The following CHRNA9 variants were observed in gnomAD, a reference collection of about 807,000 sequenced individuals.
CHRNA9 encodes cholinergic receptor nicotinic alpha 9 subunit, also known as neuronal acetylcholine receptor subunit alpha-9.
CHRNA9 carries 24 observed loss-of-function variants against 36.8 expected under a neutral mutation model. That is an observed-to-expected ratio of 0.65 (90% CI 0.47 to 0.92). CHRNA9 has a LOEUF of 0.92. Ranked by LOEUF, CHRNA9 falls within the 40% of genes least tolerant of loss-of-function variation. The pLI is 0.00. For synonymous variants in CHRNA9, 231 were observed against 231.8 expected (o/e 1.00, Z 0.03); for missense variants, 610 against 601.2 (o/e 1.01, Z -0.15).
rs57024876 is a variant in CHRNA9, at chr4:40,354,223, C to T, written c.1143C>T (p.Asn381=). Residue 381 remains asparagine, a synonymous_variant, in exon 5 of 5, where the codon AAC becomes AAT. Transcript: ENST00000310169. ...TKVYSKLPES[N]LKAARNKDLS... is the part of the protein sequence containing the mutation. ...TTTATAGCAAACTCCCAGAGTCTAA[C>T]CTGAAAGCAGCCAGGAACAAAGACC... 1.2e-6 allele frequency: 2 copies of T among 1,614,202 alleles called. No homozygotes were observed. Among genetic ancestry groups the T allele is most frequent in the Non-Finnish European group, 1.7e-6 (2 of 1,180,040 alleles).
At chr4:40,353,945 G>T in intron 4 of CHRNA9, 34 bp from the exon 5 acceptor site, 1 of 1,549,672 alleles carries the variant, frequency 6.5e-7, no homozygotes. Flanking sequence ...CCATTTTAAA[G>T]CAAATTCAGT....
chr4:40,340,450 A>G (rs1459550491), intron 3 of CHRNA9, among the ~76,000 whole-genome samples: 1 of 152,176 alleles, frequency 6.6e-6, no homozygotes, highest in Non-Finnish European at 1.5e-5. Context: ...AATTGAAATG[A>G]AAATGGAAGA....
intron 3 of CHRNA9, among the ~76,000 whole-genome samples, chr4:40,340,562 G>A (rs1334090561): frequency 6.6e-6 from 1 of 152,208 alleles, no homozygotes; most frequent in African/African-American, 2.4e-5. Context: ...TCTGATGCCA[G>A]ATACAATATC....
chr4:40,341,699 C>T (rs1172558501), intron 3 of CHRNA9, among the ~76,000 whole-genome samples: 1 of 152,282 alleles, frequency 6.6e-6, no homozygotes, highest in Non-Finnish European at 1.5e-5. Context: ...AGTGTGGTTT[C>T]GTTTCAATAA....
chr4:40,337,826 C>T (rs1233597238), intron 3 of CHRNA9, among the ~76,000 whole-genome samples: 2 of 152,122 alleles, frequency 1.3e-5, no homozygotes, highest in East Asian at 1.9e-4. Context: ...ATTATAGAAG[C>T]GTCACTCTGA....
At chr4:40,335,559 C>T in intron 1 of CHRNA9, 28 bp downstream of exon 1, 1 of 1,547,048 alleles carries the variant, frequency 6.5e-7, no homozygotes, top group Non-Finnish European at 8.9e-7. Context: ...CGTAACCTAT[C>T]TTGTCTCATC....
intron 2 of CHRNA9, among the ~76,000 whole-genome samples, chr4:40,336,903 A>G (rs1712339143): frequency 6.6e-6 from 1 of 152,138 alleles, no homozygotes. Flanking sequence ...TTATTTCCTG[A>G]CTTTTGCTTT....
intron 3 of CHRNA9, among the ~76,000 whole-genome samples, chr4:40,344,107 C>T (rs1174823361): frequency 6.6e-6 from 1 of 152,180 alleles, no homozygotes; most frequent in African/African-American, 2.4e-5. Flanking sequence ...ATGCAGGTGG[C>T]TTCTAGAAGG....
In CHRNA9 at chr4:40,335,894, T is replaced by C. The variant is rs1712305320; in HGVS notation, c.132T>C (p.Asn44=). ...LFNDLFEDYS[N]ALRPVEDTDK... is the part of the protein sequence containing the mutation. Reference sequence around the variant, plus strand: ...ATGACCTTTTTGAAGATTATTCTAATGCTCTTCGTCCAGTGGAAGATACAG... The same window carrying C: ...ATGACCTTTTTGAAGATTATTCTAACGCTCTTCGTCCAGTGGAAGATACAG... The change falls in exon 2 of 5, where the codon AAT becomes AAC. Residue 44 remains asparagine (N), a synonymous_variant. Transcript: ENST00000310169. The C allele has an allele frequency of 1.2e-6, 2 of 1,611,488 alleles. No homozygotes were observed. The highest frequency in any genetic ancestry group is 1.1e-5 in the South Asian group (1 of 91,048).
chr4:40,354,589 T>TC lies in CHRNA9; in HGVS notation c.*71dup. 2.3e-6 allele frequency: 3 copies of TC among 1,318,082 alleles called. No individual in the cohort carries two copies. The highest frequency in any genetic ancestry group is 3.1e-6 in the Non-Finnish European group (3 of 954,414). The allele number at this position is 1,318,082 out of a possible 1,614,324, so 81.6% of individuals were successfully genotyped here. On this transcript the variant is annotated 3_prime_UTR_variant, in exon 5 of 5. Transcript: ENST00000310169. ...TCCCTGTGATCTATTCCAATGTTCT[T>TC]CCAAGATTTTTGTTCATCTATAATT...
rs191001793 is a variant in CHRNA9, at chr4:40,341,009, A to T, written c.365+3645A>T. On this transcript the variant is annotated intron_variant, in intron 3 of 4. Coordinates refer to ENST00000310169, the MANE Select transcript of CHRNA9 (RefSeq NM_017581.4). The stretch of plus-strand genomic sequence containing the variant: ...AAAAAAAAAAGAACATTTCCCTAAT[A>T]ACTTCGGCAATGAATTGTCCCAAGA... Among the ~76,000 whole-genome samples the T allele has an allele frequency of 2.7e-5, 4 of 149,668 alleles. No individual in the cohort carries two copies. In the East Asian group the frequency reaches 7.8e-4, roughly 29 times the overall value.
chr4:40,354,056 TG>T lies in CHRNA9; in HGVS notation c.977del (p.Cys326LeufsTer17). The T allele has an allele frequency of 6.2e-7, 1 of 1,614,232 alleles. No homozygotes were observed. Among genetic ancestry groups the T allele is most frequent in the Non-Finnish European group, 8.5e-7 (1 of 1,180,026 alleles). On this transcript the variant is annotated frameshift_variant, in exon 5 of 5. Coordinates refer to ENST00000310169, the MANE Select transcript of CHRNA9 (RefSeq NM_017581.4). LOFTEE classifies it low-confidence loss of function (END_TRUNC). ...CATCATGGTGATGAATATCCACTTC[TG>T]TGGGGCCGAGGCCCGGCCGGTGCCA... ...LTIMVMNIHF[C>X]GAEARPVPHW...
Position 40,349,135 on chromosome 4 carries a change from GGC to G in CHRNA9, c.620_621del (p.Gly207AspfsTer15). ...TGAAGATGTGGAATGGGAGGTCCATGGCATGCCCGCTGTGAAGAATGTGATCT... is the reference window on the plus strand; with the variant it reads ...TGAAGATGTGGAATGGGAGGTCCATGATGCCCGCTGTGAAGAATGTGATCT... ...FIEDVEWEVH[G>X]MPAVKNVISY... On this transcript the variant is annotated frameshift_variant, in exon 4 of 5. Coordinates refer to ENST00000310169, the MANE Select transcript of CHRNA9 (RefSeq NM_017581.4). LOFTEE classifies it high-confidence loss of function. 6.2e-7 allele frequency: 1 copy of G among 1,614,176 alleles called. No individual in the cohort carries two copies. The highest frequency in any genetic ancestry group is 8.5e-7 in the Non-Finnish European group (1 of 1,180,024).
Position 40,354,259 on chromosome 4 carries a change from G to A in CHRNA9, c.1179G>A (p.Lys393=), listed in dbSNP as rs1251038844. ...KAARNKDLSR[K]KDMNKRLKND... is the part of the protein sequence containing the mutation. Reference sequence around the variant, plus strand: ...CCAGGAACAAAGACCTTTCCAGAAAGAAGGACATGAACAAACGCTTAAAGA... The same window carrying A: ...CCAGGAACAAAGACCTTTCCAGAAAAAAGGACATGAACAAACGCTTAAAGA... Residue 393 remains lysine (K), a synonymous_variant, in exon 5 of 5, where the codon AAG becomes AAA. Coordinates refer to ENST00000310169, the MANE Select transcript of CHRNA9 (RefSeq NM_017581.4). 1 of 1,614,096 alleles carries A rather than the reference G, an allele frequency of 6.2e-7. No individual in the cohort carries two copies.
chr4:40,341,655 A>C (rs1712504902), intron 3 of CHRNA9, among the ~76,000 whole-genome samples: 1 of 152,202 alleles, frequency 6.6e-6, no homozygotes, highest in South Asian at 2.1e-4. Flanking sequence ...TGGTGGTCTT[A>C]AGCTGCCTAC....
intron 3 of CHRNA9, among the ~76,000 whole-genome samples, chr4:40,339,620 C>A (rs1480039863): frequency 1.4e-5 from 2 of 145,164 alleles, no homozygotes; most frequent in Admixed American, 1.4e-4. Flanking sequence ...GAGCCGAGAT[C>A]GCGCTCCAGT....
intron 4 of CHRNA9, 105 bp downstream of exon 4, chr4:40,349,519 C>A: frequency 9.1e-7 from 1 of 1,103,402 alleles, no homozygotes. Flanking sequence ...GAGCCAATTT[C>A]GACTCAATAC....
intron 3 of CHRNA9, among the ~76,000 whole-genome samples, chr4:40,343,451 T>A (rs755616927): frequency 5.9e-5 from 9 of 152,124 alleles, no homozygotes; most frequent in Non-Finnish European, 1.2e-4. Context: ...TCAGATCTCA[T>A]GAGATTTATT....
rs1712724890 is a variant in CHRNA9 at position 40,349,199 on chromosome 4, C to T, written c.683C>T (p.Thr228Ile). The T allele has an allele frequency of 8.1e-6, 13 of 1,614,198 alleles. 1 individual carries two copies. Among genetic ancestry groups the T allele is most frequent in the African/African-American group, 8.0e-5 (6 of 75,044 alleles). Residue 228 changes from threonine (T) to isoleucine (I), a missense_variant, in exon 4 of 5, where the codon ACA (threonine) becomes ATA (isoleucine). Physicochemically the swap from Thr to Ile is moderately conservative, Grantham distance 89. Transcript: ENST00000310169. ...GCCSEPYPDV[T>I]FTLLLKRRSS... ...TGCTCTGAGCCTTACCCGGATGTCA[C>T]ATTCACCCTCCTTCTGAAGAGGAGG...
Sources: gnomAD v4.1 joint callset for allele counts (sites outside exome capture counted in the v4.1 genomes callset) on GRCh38, gnomAD v4.1.1 for gene constraint, MANE v1.5 for transcripts, NCBI Gene and HGNC (gene_info 2026-07-23, HGNC 2026-07-21) for gene names.